Variants in PDE7A observed in about 807,000 individuals in gnomAD.
PDE7A encodes high affinity 3',5'-cyclic-AMP phosphodiesterase 7A.
In PDE7A, 39 loss-of-function variants were observed where a neutral mutation model predicts 64.3. The observed-to-expected ratio is 0.61, with a 90% CI of 0.47 to 0.79. The LOEUF (loss-of-function observed/expected upper bound fraction) is 0.79. PDE7A is among the 30% of genes least tolerant of loss of function. The pLI is 0.00. For synonymous variants in PDE7A, 203 were observed against 206.8 expected (o/e 0.98, Z 0.16); for missense variants, 470 against 582.8 (o/e 0.81, Z 1.99).
chr8:65,765,286 G>A (rs1808713735), intron 3 of PDE7A, among the ~76,000 whole-genome samples: 1 of 151,358 alleles, frequency 6.6e-6, no homozygotes, highest in African/African-American at 2.4e-5. Flanking sequence ...TCAGGAGATC[G>A]AGACCATCCC....
chr8:65,780,627 A>G (rs1330810046), intron 2 of PDE7A, among the ~76,000 whole-genome samples: 1 of 152,206 alleles, frequency 6.6e-6, no homozygotes, highest in Non-Finnish European at 1.5e-5. Flanking sequence ...CTCATTTTAC[A>G]GATTCAAAAA....
intron 3 of PDE7A, among the ~76,000 whole-genome samples, chr8:65,748,711 C>T (rs1274750055): frequency 6.6e-6 from 1 of 152,148 alleles, no homozygotes; most frequent in Non-Finnish European, 1.5e-5. Flanking sequence ...TCTTGCATAT[C>T]CAGTCACTCA....
intron 3 of PDE7A, among the ~76,000 whole-genome samples, chr8:65,752,778 CTG>C (rs998764803): frequency 6.6e-6 from 1 of 152,124 alleles, no homozygotes. Context: ...ACACTCTAAA[CTG>C]TCTATGTTGA....
intron 7 of PDE7A, 36 bp downstream of exon 7, chr8:65,734,758 T>TA (rs1473754922): frequency 1.7e-6 from 2 of 1,189,514 alleles, no homozygotes. Flanking sequence ...GGAATTTTCT[T>TA]ATGATTTTCA....
chr8:65,729,995 G>T (rs1438474381), intron 7 of PDE7A, among the ~76,000 whole-genome samples: 1 of 151,744 alleles, frequency 6.6e-6, no homozygotes, highest in Non-Finnish European at 1.5e-5. Flanking sequence ...CCAGGCCATG[G>T]ACCGGTACTG....
intron 1 of PDE7A, among the ~76,000 whole-genome samples, chr8:65,808,745 G>A (rs923915309): frequency 9.2e-5 from 14 of 152,256 alleles, no homozygotes; most frequent in Admixed American, 4.6e-4. Flanking sequence ...ATTTTTGTCC[G>A]TGAGCACAAG....
At chr8:65,719,716 T>G in intron 12 of PDE7A, 1 of 554,412 alleles carries the variant, frequency 1.8e-6, no homozygotes, top group Non-Finnish European at 3.2e-6. Flanking sequence ...TGAGTAAAAG[T>G]GAACTGACAA....
At chr8:65,789,594 T>C (rs1425944644) in intron 1 of PDE7A, among the ~76,000 whole-genome samples, 2 of 152,236 alleles carry the variant, frequency 1.3e-5, no homozygotes, top group African/African-American at 2.4e-5. Flanking sequence ...TAGTGCATTT[T>C]CAAATAATTA....
At chr8:65,785,420 A>C (rs1399351232) in intron 1 of PDE7A, among the ~76,000 whole-genome samples, 1 of 152,194 alleles carries the variant, frequency 6.6e-6, no homozygotes, top group Non-Finnish European at 1.5e-5. Context: ...AATCATATAG[A>C]CTACACTTCT....
chr8:65,743,547 C>A (rs1807535101), intron 5 of PDE7A, among the ~76,000 whole-genome samples: 1 of 152,186 alleles, frequency 6.6e-6, no homozygotes, highest in Non-Finnish European at 1.5e-5. Context: ...TCTGTCAACA[C>A]TGCATAAGCA....
chr8:65,831,352 C>G lies in PDE7A; in HGVS notation c.138+10019G>C, dbSNP rs188193379. Among the ~76,000 whole-genome samples, 10 of 152,244 alleles carry G rather than the reference C, an allele frequency of 6.6e-5. No homozygotes were observed. The East Asian group carries it at 1.5e-3, about 23-fold the overall frequency. ...AGAAAGAAAAACAAACCTGCCTCTTCTTCCTATTTGCATTTTTGTTCCTAG... is the reference window on the plus strand; with the variant it reads ...AGAAAGAAAAACAAACCTGCCTCTTGTTCCTATTTGCATTTTTGTTCCTAG... On this transcript the variant is annotated intron_variant, in intron 1 of 12. Transcript: ENST00000401827.
At chr8:65,820,427 G>C (rs1810515637) in intron 1 of PDE7A, among the ~76,000 whole-genome samples, 2 of 151,928 alleles carry the variant, frequency 1.3e-5, no homozygotes, top group African/African-American at 4.8e-5. Context: ...ATCCCCCAAA[G>C]CTATAAAATT....
chr8:65,794,193 C>CAA (rs1372794042), intron 1 of PDE7A, among the ~76,000 whole-genome samples: 7 of 152,082 alleles, frequency 4.6e-5, no homozygotes, highest in Non-Finnish European at 1.0e-4. Context: ...TTTCCATACA[C>CAA]AAAAGATAAA....
At chr8:65,742,917 CA>C (rs1443982290) in intron 5 of PDE7A, among the ~76,000 whole-genome samples, 1 of 152,216 alleles carries the variant, frequency 6.6e-6, no homozygotes, top group African/African-American at 2.4e-5. Context: ...GTGAGGTGAT[CA>C]AAAGGAAAGC....
chr8:65,752,623 C>T (rs1488439326), intron 3 of PDE7A, among the ~76,000 whole-genome samples: 1 of 152,170 alleles, frequency 6.6e-6, no homozygotes, highest in Non-Finnish European at 1.5e-5. Context: ...TAAGATATAT[C>T]TCATTGTTAA....
chr8:65,812,449 C>A (rs1410520342), intron 1 of PDE7A, among the ~76,000 whole-genome samples: 1 of 151,826 alleles, frequency 6.6e-6, no homozygotes, highest in African/African-American at 2.4e-5. Context: ...GGAAGCAGAA[C>A]CATAAAGAAT....
intron 7 of PDE7A, among the ~76,000 whole-genome samples, chr8:65,730,837 C>T (rs148315032): frequency 0.022 from 3,275 of 152,244 alleles, 118 homozygotes; most frequent in African/African-American, 0.074. Flanking sequence ...ACAAGAGAAT[C>T]GCTTGAACCC....
chr8:65,818,698 C>G (rs1361712075), intron 1 of PDE7A, among the ~76,000 whole-genome samples: 1 of 152,132 alleles, frequency 6.6e-6, no homozygotes, highest in Non-Finnish European at 1.5e-5. Flanking sequence ...CCTTTGGAAC[C>G]AGCCAAAAGT....
chr8:65,831,238 C>T (rs1255672681), intron 1 of PDE7A, among the ~76,000 whole-genome samples: 1 of 152,130 alleles, frequency 6.6e-6, no homozygotes, highest in Non-Finnish European at 1.5e-5. Context: ...TGGACATCCT[C>T]ATCTGGATGT....
Sources: allele counts gnomAD v4.1 joint callset (sites outside exome capture counted in the v4.1 genomes callset), GRCh38; gene constraint gnomAD v4.1.1; transcripts MANE v1.5; gene names NCBI Gene and HGNC (gene_info 2026-07-23, HGNC 2026-07-21).